The following TENM4 variants were observed in gnomAD, a reference collection of about 807,000 sequenced individuals.
TENM4 encodes the protein teneurin-4.
TENM4 carries 82 observed loss-of-function variants against 243.3 expected under a neutral mutation model. The observed-to-expected ratio is 0.34, with a 90% CI of 0.28 to 0.40. The LOEUF is 0.40. TENM4 is among the 10% of genes least tolerant of loss of function. TENM4 has a pLI of 1.00. For missense variants in TENM4, 3,138 were observed against 3,673.3 expected, an observed-to-expected ratio of 0.85 and a Z score of 3.77; for synonymous variants, 1,412 against 1,456.3, an observed-to-expected ratio of 0.97 and a Z score of 0.69.
At chr11:79,234,385 A>C (rs1864425928) in intron 2 of TENM4, among the ~76,000 whole-genome samples, 1 of 152,226 alleles carries the variant, frequency 6.6e-6, no homozygotes. Flanking sequence ...ATTGGCATGC[A>C]TTCCCTGTAT....
At chr11:79,025,894 C>T (rs765386611) in intron 6 of TENM4, among the ~76,000 whole-genome samples, 4 of 152,106 alleles carry the variant, frequency 2.6e-5, no homozygotes, top group East Asian at 3.9e-4. Flanking sequence ...GGGCTGGCTC[C>T]GGGACACATG....
chr11:79,320,400 T>G (rs1454129561), intron 1 of TENM4, among the ~76,000 whole-genome samples: 1 of 152,198 alleles, frequency 6.6e-6, no homozygotes, highest in African/African-American at 2.4e-5. Flanking sequence ...AATCTTACTT[T>G]AAAATCAATC....
intron 18 of TENM4, among the ~76,000 whole-genome samples, chr11:78,767,992 A>G (rs1856571508): frequency 6.6e-6 from 1 of 152,208 alleles, no homozygotes; most frequent in South Asian, 2.1e-4. Context: ...CTGAACTGAA[A>G]GTAGCCCAAT....
chr11:78,809,847 C>T (rs866021387), intron 14 of TENM4, among the ~76,000 whole-genome samples: 3 of 152,168 alleles, frequency 2.0e-5, no homozygotes, highest in Non-Finnish European at 2.9e-5. Flanking sequence ...GACCAGGCTG[C>T]GGACACAGGT....
At position 79,398,236 on chromosome 11, in the gene TENM4, C is replaced by A. The variant is rs956377555; in HGVS notation, c.-321+42273G>T. On this transcript the variant is annotated intron_variant, in intron 1 of 33. Coordinates refer to ENST00000278550, the MANE Select transcript of TENM4 (RefSeq NM_001098816.3). ...CTTTAATCTAGGACAACCCCCAGCA[C>A]CATGAGTTCAAAATAGAATCCAATA... 7.9e-5 allele frequency among the ~76,000 whole-genome samples: 12 copies of A among 151,718 alleles called. 1 individual carries two copies. The highest frequency in any genetic ancestry group is 2.9e-4 in the African/African-American group (12 of 41,072).
At chr11:79,439,471 T>C (rs1372312985) in intron 1 of TENM4, among the ~76,000 whole-genome samples, 1 of 152,030 alleles carries the variant, frequency 6.6e-6, no homozygotes, top group Non-Finnish European at 1.5e-5. Context: ...GCGGAGCCAA[T>C]TTCCAAAGTT....
chr11:79,130,899 A>T (rs1440182116), intron 4 of TENM4, among the ~76,000 whole-genome samples: 1 of 152,150 alleles, frequency 6.6e-6, no homozygotes, highest in Non-Finnish European at 1.5e-5. Context: ...GAAAGTCTCA[A>T]CAATGGAATT....
At chr11:78,801,531 GT>G (rs1240468577) in intron 15 of TENM4, among the ~76,000 whole-genome samples, 2 of 152,180 alleles carry the variant, frequency 1.3e-5, no homozygotes, top group Non-Finnish European at 2.9e-5. Flanking sequence ...TGACTTCACT[GT>G]TTCCACAAAC....
At chr11:78,736,109 C>G (rs1030614593) in intron 20 of TENM4, among the ~76,000 whole-genome samples, 4 of 151,986 alleles carry the variant, frequency 2.6e-5, no homozygotes, top group African/African-American at 9.7e-5. Context: ...CATGCCACCA[C>G]ACCCAGCTAA....
intron 12 of TENM4, among the ~76,000 whole-genome samples, chr11:78,830,591 C>T (rs1349336800): frequency 6.6e-6 from 1 of 152,224 alleles, no homozygotes; most frequent in African/African-American, 2.4e-5. Flanking sequence ...CACATCCCCT[C>T]CAGAGCAGTT....
intron 12 of TENM4, among the ~76,000 whole-genome samples, chr11:78,820,813 C>T (rs183450883): frequency 1.3e-5 from 2 of 152,338 alleles, no homozygotes; most frequent in East Asian, 3.9e-4. Flanking sequence ...GGGGAAAGCG[C>T]TGTGAAAGCA....
At chr11:79,124,928 T>G (rs1387637488) in intron 4 of TENM4, among the ~76,000 whole-genome samples, 3 of 150,040 alleles carry the variant, frequency 2.0e-5, no homozygotes, top group Non-Finnish European at 3.0e-5. Flanking sequence ...TGTGTATGTA[T>G]ATATATATAT....
intron 19 of TENM4, among the ~76,000 whole-genome samples, chr11:78,745,511 TGAGCCACTGTGCCC>T (rs1424803011): frequency 6.6e-6 from 1 of 151,742 alleles, no homozygotes; most frequent in Non-Finnish European, 1.5e-5. Context: ...ATTACAGGCA[TGAGCCACTGTGCCC>T]GTCCACTGTC....
intron 2 of TENM4, among the ~76,000 whole-genome samples, chr11:79,293,544 G>A (rs1471444375): frequency 1.3e-5 from 2 of 150,672 alleles, no homozygotes; most frequent in African/African-American, 4.9e-5. Flanking sequence ...AAAAAAAAGT[G>A]TTAGGGAAAA....
intron 17 of TENM4, among the ~76,000 whole-genome samples, chr11:78,776,981 T>C (rs955075326): frequency 6.6e-6 from 1 of 152,042 alleles, no homozygotes; most frequent in Non-Finnish European, 1.5e-5. Context: ...TGAGCCAGGA[T>C]GACCCATTCA....
intron 9 of TENM4, among the ~76,000 whole-genome samples, chr11:78,865,596 G>A (rs564984319): frequency 5.3e-5 from 8 of 152,128 alleles, no homozygotes; most frequent in Non-Finnish European, 8.8e-5. Flanking sequence ...GTTTTGAGGG[G>A]CTGTGTGACT....
intron 2 of TENM4, among the ~76,000 whole-genome samples, chr11:79,235,414 C>A (rs1590815423): frequency 6.6e-6 from 1 of 152,126 alleles, no homozygotes; most frequent in East Asian, 1.9e-4. Context: ...AGGGTTGAGA[C>A]CTGGGACGGA....
intron 6 of TENM4, among the ~76,000 whole-genome samples, chr11:79,009,810 T>A (rs572296119): frequency 6.6e-6 from 1 of 152,298 alleles, no homozygotes; most frequent in Non-Finnish European, 1.5e-5. Flanking sequence ...TCAATTTCTT[T>A]ATATTCCAGT....
rs146798836 is a variant in TENM4 at position 79,233,141 on chromosome 11, C to T, written c.-264-17232G>A. Among the ~76,000 whole-genome samples the T allele has an allele frequency of 2.7e-3, 414 of 152,330 alleles. 3 individuals are homozygous for T. Among genetic ancestry groups the T allele is most frequent in the African/African-American group, 9.4e-3 (389 of 41,576 alleles). On this transcript the variant is annotated intron_variant, in intron 2 of 33. Coordinates refer to ENST00000278550, the MANE Select transcript of TENM4 (RefSeq NM_001098816.3). ...GCTGAGGCTGCCAGACTGAGTCAGA[C>T]GCCATGCCTTGGGTTTCCCTTCCCA...
Sources: gnomAD v4.1 joint callset for allele counts (sites outside exome capture counted in the v4.1 genomes callset) on GRCh38, gnomAD v4.1.1 for gene constraint, MANE v1.5 for transcripts, NCBI Gene and HGNC (gene_info 2026-07-23, HGNC 2026-07-21) for gene names.